Variants in DNAH12 observed in about 807,000 individuals in gnomAD.
The protein encoded by DNAH12 is dynein axonemal heavy chain 12.
DNAH12 carries 285 observed loss-of-function variants against 371.5 expected under a neutral mutation model. The observed-to-expected ratio is 0.77, with a 90% CI of 0.70 to 0.85. DNAH12 has a LOEUF of 0.85. Ranked by LOEUF, DNAH12 falls within the 40% of genes least tolerant of loss-of-function variation. The pLI, the probability that DNAH12 is intolerant of heterozygous loss-of-function variation, is 0.00. For missense variants in DNAH12, 3,611 were observed against 3,689.4 expected (o/e 0.98, Z 0.55); for synonymous variants, 1,200 against 1,213.0 (o/e 0.99, Z 0.22).
At chr3:57,387,499 T>TA (rs1280666475) in intron 45 of DNAH12, among the ~76,000 whole-genome samples, 1 of 152,232 alleles carries the variant, frequency 6.6e-6, no homozygotes, top group Non-Finnish European at 1.5e-5. Flanking sequence ...CCAACTCTTC[T>TA]ACTTGCATGT....
intron 1 of DNAH12, among the ~76,000 whole-genome samples, 172 bp downstream of exon 1, chr3:57,544,025 C>G (rs1192025839): frequency 6.6e-6 from 1 of 152,056 alleles, no homozygotes; most frequent in Non-Finnish European, 1.5e-5. Context: ...TCAGCCTGGG[C>G]GATAAAGCGA....
chr3:57,452,193 G>A (rs1184660077), intron 25 of DNAH12, among the ~76,000 whole-genome samples: 1 of 152,154 alleles, frequency 6.6e-6, no homozygotes, highest in East Asian at 1.9e-4. Context: ...TTGGTGCCAT[G>A]TGACTTGGGT....
chr3:57,485,586 G>C (rs922320448), intron 12 of DNAH12, among the ~76,000 whole-genome samples: 6 of 87,706 alleles, frequency 6.8e-5, no homozygotes, highest in African/African-American at 8.0e-5. Flanking sequence ...ATTTTGAGTA[G>C]AGATGGGGTT....
At chr3:57,447,833 TCA>T (rs1466273193) in intron 25 of DNAH12, among the ~76,000 whole-genome samples, 41 of 151,794 alleles carry the variant, frequency 2.7e-4, no homozygotes, top group Admixed American at 2.5e-3. Context: ...GCCACCACAC[TCA>T]GTTTATTTTT....
chr3:57,441,036 G>A (rs2065288099), intron 29 of DNAH12, among the ~76,000 whole-genome samples: 1 of 152,068 alleles, frequency 6.6e-6, no homozygotes, highest in Non-Finnish European at 1.5e-5. Flanking sequence ...GAAGTCATGA[G>A]AAATAGCTGA....
intron 69 of DNAH12, among the ~76,000 whole-genome samples, chr3:57,302,290 GT>G (rs1182243787): frequency 6.6e-6 from 1 of 151,846 alleles, no homozygotes; most frequent in Non-Finnish European, 1.5e-5. Flanking sequence ...TGAAAAAGCT[GT>G]AATGATGTCG....
chr3:57,325,486 A>C (rs1230926772), intron 62 of DNAH12, among the ~76,000 whole-genome samples: 1 of 152,156 alleles, frequency 6.6e-6, no homozygotes, highest in Non-Finnish European at 1.5e-5. Context: ...CCTCTAGCAA[A>C]CTCCAACAGA....
chr3:57,342,905 A>G (rs1206262922), intron 60 of DNAH12, among the ~76,000 whole-genome samples: 6 of 152,052 alleles, frequency 3.9e-5, no homozygotes, highest in African/African-American at 1.4e-4. Flanking sequence ...CTGTCTCTAC[A>G]AAAAGAAAAA....
Position 57,499,212 on chromosome 3 carries a change from G to A in DNAH12, c.1335+2109C>T, listed in dbSNP as rs533137974. 7.2e-5 allele frequency among the ~76,000 whole-genome samples: 11 copies of A among 152,234 alleles called. No homozygotes were observed. In the South Asian group the frequency reaches 2.3e-3, roughly 32 times the overall value. On this transcript the variant is annotated intron_variant, in intron 11 of 73. Transcript: ENST00000495027. ...ATGTCAGCAGTTTCCTGAGGTCAGA[G>A]TTGGGGAGAATTGACCAGGATGGGG...
chr3:57,454,244 G>T (rs1287869907), intron 23 of DNAH12, among the ~76,000 whole-genome samples: 1 of 152,112 alleles, frequency 6.6e-6, no homozygotes, highest in East Asian at 1.9e-4. Flanking sequence ...ACTTTGGGAG[G>T]CTAAGGTGGG....
intron 11 of DNAH12, chr3:57,498,662 A>G: frequency 1.4e-6 from 1 of 692,646 alleles, no homozygotes; most frequent in South Asian, 1.5e-5. Context: ...TGAATGAATA[A>G]AGAAACTATA....
intron 62 of DNAH12, among the ~76,000 whole-genome samples, chr3:57,324,718 C>T (rs1055125034): frequency 3.3e-5 from 5 of 152,190 alleles, no homozygotes; most frequent in East Asian, 1.9e-4. Context: ...AGACAGTGGG[C>T]GCAGGTCAGT....
the DNAH12 span, among the ~76,000 whole-genome samples, chr3:57,555,360 A>G: frequency 6.6e-6 from 1 of 152,230 alleles, no homozygotes; most frequent in African/African-American, 2.4e-5. Flanking sequence ...TGTTAAATGT[A>G]GTAACTAAAT....
intron 39 of DNAH12, 110 bp downstream of exon 39, chr3:57,413,636 G>A: frequency 8.5e-7 from 1 of 1,181,542 alleles, no homozygotes; most frequent in Admixed American, 2.8e-5. Context: ...GAAAATCTGA[G>A]CAACTATTCT....
Position 57,322,435 on chromosome 3 carries a change from G to A in DNAH12, c.10432C>T (p.Pro3478Ser). ...QNGVKMTNEPPTGLRLNLLQS... is the reference protein window; with the variant it reads ...QNGVKMTNEPSTGLRLNLLQS... ...AGGAGATTCAGCCGAAGACCCGTGG[G>A]AGGTTCATTAGTCATTTTTACTCCA... is the stretch of plus-strand genomic sequence containing the variant. Residue 3478 changes from proline (P) to serine (S), a missense_variant, in exon 65 of 74, where the codon CCC becomes TCC. Around this residue, in one of 3 missense-constraint regions of DNAH12, gnomAD observed 2,266 missense variants for 2,236.9 expected, o/e 1.01. Transcript: ENST00000495027. The A allele has an allele frequency of 1.3e-6, 2 of 1,552,268 alleles. No homozygotes were observed. Among genetic ancestry groups the A allele is most frequent in the Non-Finnish European group, 1.7e-6 (2 of 1,147,116 alleles).
intron 65 of DNAH12, among the ~76,000 whole-genome samples, chr3:57,319,700 C>T (rs2061762707): frequency 6.6e-6 from 1 of 151,988 alleles, no homozygotes; most frequent in South Asian, 2.1e-4. Context: ...CTGCCTCTTC[C>T]TGAGTAACTG....
chr3:57,311,504 T>G (rs901788304), intron 66 of DNAH12, among the ~76,000 whole-genome samples: 1 of 152,250 alleles, frequency 6.6e-6, no homozygotes, highest in Non-Finnish European at 1.5e-5. Context: ...GTATTTTTCA[T>G]ATGAATGTGG....
chr3:57,446,967 G>A (rs760315943), intron 25 of DNAH12, among the ~76,000 whole-genome samples: 21 of 152,168 alleles, frequency 1.4e-4, no homozygotes, highest in Non-Finnish European at 3.1e-4. Context: ...GGTAAAATTA[G>A]TTCAGGAAGG....
intron 4 of DNAH12, among the ~76,000 whole-genome samples, chr3:57,513,538 TA>T (rs1295526091): frequency 6.6e-6 from 1 of 152,118 alleles, no homozygotes; most frequent in Non-Finnish European, 1.5e-5. Flanking sequence ...ACTGTACCCT[TA>T]AAAATGGTTA....
Sources: gnomAD v4.1 joint callset for allele counts (sites outside exome capture counted in the v4.1 genomes callset) on GRCh38, gnomAD v4.1.1 for gene constraint, gnomAD v4.1.1 regional missense constraint, MANE v1.5 for transcripts, NCBI Gene and HGNC (gene_info 2026-07-23, HGNC 2026-07-21) for gene names.